ATP11B: variants seen among roughly 807,000 people sequenced by gnomAD.
ATP11B encodes the protein ATPase phospholipid transporting 11B (putative).
A neutral mutation model predicts 157.8 loss-of-function variants in ATP11B; 81 were observed. The observed-to-expected ratio is 0.51, with a 90% CI of 0.43 to 0.62. The LOEUF (loss-of-function observed/expected upper bound fraction) is 0.62. ATP11B is among the 20% of genes least tolerant of loss of function. The pLI, the probability that ATP11B is intolerant of heterozygous loss-of-function variation, is 0.00. For synonymous variants in ATP11B, 451 were observed against 469.4 expected, an observed-to-expected ratio of 0.96 and a Z score of 0.51; for missense variants, 1,165 against 1,402.2, an observed-to-expected ratio of 0.83 and a Z score of 2.70.
chr3:182,827,943 A>G (rs1717837863), intron 2 of ATP11B, among the ~76,000 whole-genome samples, 177 bp from the exon 3 acceptor site: 1 of 151,968 alleles, frequency 6.6e-6, no homozygotes, highest in Non-Finnish European at 1.5e-5. Flanking sequence ...AAGGAAGAAA[A>G]AAGGGAAGTA....
At chr3:182,839,329 C>G (rs1193683272) in intron 7 of ATP11B, among the ~76,000 whole-genome samples, 1 of 152,098 alleles carries the variant, frequency 6.6e-6, no homozygotes, top group Non-Finnish European at 1.5e-5. Context: ...CTGTTGGGTA[C>G]TAGACTTAGT....
At chr3:182,797,912 G>A (rs1715733469) in intron 1 of ATP11B, among the ~76,000 whole-genome samples, 1 of 152,014 alleles carries the variant, frequency 6.6e-6, no homozygotes, top group Admixed American at 6.6e-5. Flanking sequence ...TATTAGTGCT[G>A]CTGTATAACA....
At chr3:182,853,168 C>G (rs529908489) in intron 10 of ATP11B, among the ~76,000 whole-genome samples, 1 of 152,216 alleles carries the variant, frequency 6.6e-6, no homozygotes, top group South Asian at 2.1e-4. Context: ...CTATAATAAG[C>G]AAGTTGGTCT....
At chr3:182,805,856 G>A (rs1380247650) in intron 1 of ATP11B, among the ~76,000 whole-genome samples, 3 of 152,012 alleles carry the variant, frequency 2.0e-5, no homozygotes, top group Non-Finnish European at 4.4e-5. Flanking sequence ...TTTATGAGAT[G>A]TGATTTGCAA....
intron 10 of ATP11B, among the ~76,000 whole-genome samples, chr3:182,851,477 A>G (rs1177859109): frequency 6.6e-6 from 1 of 152,152 alleles, no homozygotes; most frequent in Non-Finnish European, 1.5e-5. Context: ...AACTCAAATG[A>G]TTAATTTTAA....
At chr3:182,888,288 C>T (rs1317480920) in intron 24 of ATP11B, among the ~76,000 whole-genome samples, 1 of 152,146 alleles carries the variant, frequency 6.6e-6, no homozygotes, top group Non-Finnish European at 1.5e-5. Context: ...GATTAATTTA[C>T]TTCAATTCCT....
rs769446245 is a variant in ATP11B at position 182,898,767 on chromosome 3, G to A, written c.3313G>A (p.Ala1105Thr). The change falls in exon 28 of 30, where the codon GCA (alanine) becomes ACA (threonine). Residue 1105 changes from alanine to threonine, a missense_variant. This residue lies in a region of ATP11B where 303 missense variants were observed against 296.3 expected (regional missense o/e 1.02). Transcript: ENST00000323116. ...CCTCCACCCTACAAGTACTGAAAAG[G>A]CACAGGTAACCACTTTTTATAATAA... ...RHLHPTSTEKAQLTETNAGIK... is the reference protein window; with the variant it reads ...RHLHPTSTEKTQLTETNAGIK... 33 of 1,522,632 alleles carry A rather than the reference G, an allele frequency of 2.2e-5. No individual in the cohort carries two copies. The South Asian group carries it at 4.2e-4, about 19-fold the overall frequency. The allele number at this position is 1,522,632 out of a possible 1,614,324, so 94.3% of individuals were successfully genotyped here.
At chr3:182,817,916 C>G (rs919228964) in intron 1 of ATP11B, among the ~76,000 whole-genome samples, 1 of 151,972 alleles carries the variant, frequency 6.6e-6, no homozygotes, top group Non-Finnish European at 1.5e-5. Flanking sequence ...TAAAGATTTA[C>G]GTACTGTTTG....
intron 7 of ATP11B, among the ~76,000 whole-genome samples, chr3:182,839,980 G>C (rs1009462573): frequency 1.3e-5 from 2 of 152,142 alleles, no homozygotes; most frequent in Non-Finnish European, 2.9e-5. Flanking sequence ...ATAGTGAACG[G>C]TATTCTTGAC....
intron 19 of ATP11B, among the ~76,000 whole-genome samples, chr3:182,874,659 G>T (rs555114398): frequency 6.6e-6 from 1 of 152,070 alleles, no homozygotes; most frequent in Non-Finnish European, 1.5e-5. Context: ...CAGTTCTATC[G>T]TATGGAAATG....
chr3:182,838,013 A>G (rs1465640704), intron 7 of ATP11B, among the ~76,000 whole-genome samples: 1 of 152,116 alleles, frequency 6.6e-6, no homozygotes, highest in African/African-American at 2.4e-5. Flanking sequence ...AATCACCCTC[A>G]GCTTCTTGTC....
At chr3:182,900,562 A>G (rs1449743681) in intron 28 of ATP11B, among the ~76,000 whole-genome samples, 4 of 152,248 alleles carry the variant, frequency 2.6e-5, no homozygotes, top group Non-Finnish European at 4.4e-5. Context: ...ACTTAAATAT[A>G]TATCAGAAAG....
chr3:182,885,942 G>T lies in ATP11B; in HGVS notation c.2656-9G>T. On this transcript the variant is annotated splice_polypyrimidine_tract_variant and intron_variant, in intron 22 of 29. Coordinates refer to ENST00000323116, the MANE Select transcript of ATP11B (RefSeq NM_014616.3). ...TTTTAATTATTTTCCATTTAATCTT[G>T]TTTTTCAGAATGTGTGCTTTATCAC... is the stretch of plus-strand genomic sequence containing the variant. 2.0e-6 allele frequency: 3 copies of T among 1,487,322 alleles called. No homozygotes were observed. Among genetic ancestry groups the T allele is most frequent in the African/African-American group, 1.5e-5 (1 of 67,668 alleles). 92.1% of individuals were successfully genotyped at this position (1,487,322 alleles called of 1,614,324 possible).
chr3:182,874,051 G>T, intron 19 of ATP11B, 36 bp downstream of exon 19: 4 of 1,582,804 alleles, frequency 2.5e-6, no homozygotes, highest in Non-Finnish European at 3.5e-6. Context: ...ACCTTTCAGG[G>T]GTTAGCAAAC....
At chr3:182,917,990 G>A (rs981684277) in intron 29 of ATP11B, 33 bp from the exon 30 acceptor site, 2 of 1,610,100 alleles carry the variant, frequency 1.2e-6, no homozygotes, top group Non-Finnish European at 1.7e-6. Flanking sequence ...ATAGGTCCTG[G>A]TGAGCCAAAC....
chr3:182,886,178 A>G (rs1486808599), intron 23 of ATP11B, among the ~76,000 whole-genome samples, 168 bp downstream of exon 23: 1 of 152,094 alleles, frequency 6.6e-6, no homozygotes, highest in Non-Finnish European at 1.5e-5. Context: ...CATTCAGAAT[A>G]TTTATTTATT....
At chr3:182,872,152 A>G (rs2108549559) in intron 17 of ATP11B, among the ~76,000 whole-genome samples, 1 of 152,328 alleles carries the variant, frequency 6.6e-6, no homozygotes, top group South Asian at 2.1e-4. Flanking sequence ...TCAGAAGTTG[A>G]AAGAGGTATA....
chr3:182,885,967 C>T lies in ATP11B; in HGVS notation c.2672C>T (p.Thr891Ile). 1 of 1,501,004 alleles carries T rather than the reference C, an allele frequency of 6.7e-7. No individual in the cohort carries two copies. Among genetic ancestry groups the T allele is most frequent in the East Asian group, 2.6e-5 (1 of 37,794 alleles). 93.0% of individuals were successfully genotyped at this position (1,501,004 alleles called of 1,614,324 possible). The change falls in exon 23 of 30, where the codon ACA (threonine) becomes ATA (isoleucine). Residue 891 changes from threonine to isoleucine, a missense_variant. Physicochemically the swap from Thr to Ile is moderately conservative, Grantham distance 89. This residue lies in a region of ATP11B where 737 missense variants were observed against 930.5 expected (regional missense o/e 0.79). Transcript: ENST00000323116. ...YFFYKNVCFI[T>I]PQFLYQFYCL... is the part of the protein sequence containing the mutation. ...GTTTTTCAGAATGTGTGCTTTATCACACCCCAGTTTTTATATCAGTTCTAC... is the reference window on the plus strand; with the variant it reads ...GTTTTTCAGAATGTGTGCTTTATCATACCCCAGTTTTTATATCAGTTCTAC...
chr3:182,876,273 C>T (rs1722033654), intron 19 of ATP11B, among the ~76,000 whole-genome samples: 1 of 152,094 alleles, frequency 6.6e-6, no homozygotes, highest in Non-Finnish European at 1.5e-5. Context: ...TTGAAAAATA[C>T]TGAAAATTGT....
Sources: allele counts gnomAD v4.1 joint callset (sites outside exome capture counted in the v4.1 genomes callset), GRCh38; gene constraint gnomAD v4.1.1; regional missense constraint gnomAD v4.1.1; transcripts MANE v1.5; gene names NCBI Gene and HGNC (gene_info 2026-07-23, HGNC 2026-07-21).